EPB41L4B: variants seen among roughly 807,000 people sequenced by gnomAD.
EPB41L4B encodes the protein erythrocyte membrane protein band 4.1 like 4B.
A neutral mutation model predicts 112.5 loss-of-function variants in EPB41L4B; 30 were observed. The ratio of observed to expected loss-of-function variants is 0.27; its 90% CI spans 0.20 to 0.36. The LOEUF is 0.36. Among genes scored for constraint, EPB41L4B ranks in the 10% least tolerant of loss-of-function variants. The pLI is 1.00. For synonymous variants in EPB41L4B, 408 were observed against 439.7 expected, an observed-to-expected ratio of 0.93 and a Z score of 0.90; for missense variants, 1,024 against 1,133.3, an observed-to-expected ratio of 0.90 and a Z score of 1.38.
intron 1 of EPB41L4B, among the ~76,000 whole-genome samples, chr9:109,317,329 G>A (rs1332727823): frequency 6.6e-6 from 1 of 152,124 alleles, no homozygotes; most frequent in Non-Finnish European, 1.5e-5. Flanking sequence ...CATCCCATCC[G>A]GCCACAGCAC....
rs1832910027 is a variant in EPB41L4B at position 109,203,785 on chromosome 9, A to T, written c.1879-55T>A. 3.4e-6 allele frequency: 5 copies of T among 1,457,144 alleles called. No individual in the cohort carries two copies. In the South Asian group the frequency reaches 4.6e-5, roughly 13 times the overall value. The allele number at this position is 1,457,144 out of a possible 1,614,324, so 90.3% of individuals were successfully genotyped here. A position where few individuals can be genotyped will look rare whatever the true frequency, so the allele number is the denominator to read the frequency against. On this transcript the variant is annotated intron_variant, in intron 18 of 25. Coordinates refer to ENST00000374566, the MANE Select transcript of EPB41L4B (RefSeq NM_019114.5). ...AACTGAATATGTTGGCATGCAAAAAATGTTTTCAAGTCTCTTACATTCAAA... is the reference window on the plus strand; with the variant it reads ...AACTGAATATGTTGGCATGCAAAAATTGTTTTCAAGTCTCTTACATTCAAA...
intron 1 of EPB41L4B, among the ~76,000 whole-genome samples, chr9:109,294,671 G>GCT (rs1836666588): frequency 1.1e-5 from 1 of 92,650 alleles, no homozygotes; most frequent in Non-Finnish European, 2.0e-5. Flanking sequence ...TGATATTGTG[G>GCT]CTGTGTGTGT....
chr9:109,226,158 C>G (rs991948295), intron 15 of EPB41L4B, among the ~76,000 whole-genome samples: 2 of 152,184 alleles, frequency 1.3e-5, no homozygotes, highest in African/African-American at 4.8e-5. Flanking sequence ...ACACTGTTTA[C>G]AGGAAACTTT....
rs557993491 is a variant in EPB41L4B at position 109,194,402 on chromosome 9, G to A, written c.2046-5C>T. The A allele has an allele frequency of 9.9e-6, 16 of 1,613,402 alleles. No individual in the cohort carries two copies. The highest frequency in any genetic ancestry group is 2.2e-5 in the South Asian group (2 of 90,988). The stretch of plus-strand genomic sequence containing the variant: ...GGAGGGAGGTCGTCTTCATCACTGC[G>A]GTTACTAAAAGCACATGAAGCTCTG... On this transcript the variant is annotated splice_polypyrimidine_tract_variant and splice_region_variant and intron_variant, in intron 20 of 25. Coordinates refer to ENST00000374566, the MANE Select transcript of EPB41L4B (RefSeq NM_019114.5).
At chr9:109,301,782 C>T (rs1489089629) in intron 1 of EPB41L4B, among the ~76,000 whole-genome samples, 1 of 152,034 alleles carries the variant, frequency 6.6e-6, no homozygotes, top group African/African-American at 2.4e-5. Flanking sequence ...TAAAAATAAC[C>T]CCAACTGATA....
Position 109,217,092 on chromosome 9 carries a change from A to C in EPB41L4B, c.1463T>G (p.Ile488Ser). ...LSSSDRLPFG[I>S]EENGGTPFLT... ...GAACGGTGTGCCCCCATTCTCCTCAATGCCAAAAGGCAACCGGTCCGAGCT... is the reference window on the plus strand; with the variant it reads ...GAACGGTGTGCCCCCATTCTCCTCACTGCCAAAAGGCAACCGGTCCGAGCT... The change falls in exon 16 of 26, where the codon ATT becomes AGT. Residue 488 changes from isoleucine to serine, a missense_variant. Ile to Ser is a moderately radical substitution (Grantham distance 142). Transcript: ENST00000374566. 1 of 1,614,174 alleles carries C rather than the reference A, an allele frequency of 6.2e-7. No homozygotes were observed. The highest frequency in any genetic ancestry group is 8.5e-7 in the Non-Finnish European group (1 of 1,180,034).
chr9:109,313,194 G>A (rs1837483627), intron 1 of EPB41L4B, among the ~76,000 whole-genome samples: 1 of 152,156 alleles, frequency 6.6e-6, no homozygotes, highest in Admixed American at 6.5e-5. Flanking sequence ...CTCAAGACTG[G>A]GAGCTTAAGA....
intron 22 of EPB41L4B, among the ~76,000 whole-genome samples, chr9:109,188,630 G>T (rs1256959519): frequency 6.6e-6 from 1 of 152,204 alleles, no homozygotes; most frequent in Non-Finnish European, 1.5e-5. Context: ...AGCCCTGCTG[G>T]TATAATTAAG....
At chr9:109,200,073 G>A (rs939472747) in intron 20 of EPB41L4B, among the ~76,000 whole-genome samples, 163 bp downstream of exon 20, 4 of 152,192 alleles carry the variant, frequency 2.6e-5, no homozygotes, top group Non-Finnish European at 4.4e-5. Flanking sequence ...ACTATGTAAG[G>A]TTTTCAGGGA....
chr9:109,200,097 T>A (rs1832770491), intron 20 of EPB41L4B, 139 bp downstream of exon 20: 1 of 641,808 alleles, frequency 1.6e-6, no homozygotes, highest in African/African-American at 1.8e-5. Context: ...AGGGCTAGTC[T>A]CATTATTACC....
In EPB41L4B at chr9:109,175,642, G is replaced by C. The variant is rs566650518; in HGVS notation, c.2633+909C>G. On this transcript the variant is annotated intron_variant, in intron 25 of 25. Transcript: ENST00000374566. ...CCACCTCTGCCTCCTGAGTAGCTGG[G>C]ATGACAGGCACGAGCCACCATGCCT... 1.3e-3 allele frequency among the ~76,000 whole-genome samples: 200 copies of C among 152,222 alleles called. 2 individuals carry two copies. The highest frequency in any genetic ancestry group is 4.5e-3 in the African/African-American group (186 of 41,536).
At position 109,263,011 on chromosome 9, in the gene EPB41L4B, T is replaced by C. The variant is rs367874197; in HGVS notation, c.631+39A>G. 1.4e-3 allele frequency: 2,014 copies of C among 1,413,256 alleles called. 11 individuals carry two copies. Among genetic ancestry groups the C allele is most frequent in the Middle Eastern group, 3.0e-3 (17 of 5,634 alleles). The allele number at this position is 1,413,256 out of a possible 1,614,324, so 87.5% of individuals were successfully genotyped here. ...ACTCATTTGTTGAAATAAAAAGCAA[T>C]AACATTAAAATGCTAATTACTACTA... On this transcript the variant is annotated intron_variant, in intron 6 of 25. Coordinates refer to ENST00000374566, the MANE Select transcript of EPB41L4B (RefSeq NM_019114.5).
chr9:109,290,614 G>A (rs1449905105), intron 1 of EPB41L4B, among the ~76,000 whole-genome samples: 2 of 151,958 alleles, frequency 1.3e-5, no homozygotes, highest in Non-Finnish European at 2.9e-5. Flanking sequence ...GCCTGTTTCA[G>A]CTATTTCTAG....
chr9:109,180,772 T>G (rs1234069544), intron 24 of EPB41L4B, among the ~76,000 whole-genome samples: 1 of 152,070 alleles, frequency 6.6e-6, no homozygotes, highest in Non-Finnish European at 1.5e-5. Context: ...CAAAAACCCT[T>G]CGGAAGGAGC....
At chr9:109,319,036 T>A (rs1264294536) in intron 1 of EPB41L4B, among the ~76,000 whole-genome samples, 1 of 152,224 alleles carries the variant, frequency 6.6e-6, no homozygotes, top group Non-Finnish European at 1.5e-5. Context: ...GGGTATGTTA[T>A]TTCTTCCCTT....
chr9:109,237,514 T>C (rs1834188954), intron 15 of EPB41L4B, among the ~76,000 whole-genome samples: 1 of 152,220 alleles, frequency 6.6e-6, no homozygotes, highest in Non-Finnish European at 1.5e-5. Flanking sequence ...TGTGAACTCT[T>C]TGGAAGGAAG....
chr9:109,301,386 T>G (rs939301995), intron 1 of EPB41L4B, among the ~76,000 whole-genome samples: 3 of 152,192 alleles, frequency 2.0e-5, no homozygotes, highest in African/African-American at 4.8e-5. Flanking sequence ...AAATTGCATT[T>G]GCCTTGAAAT....
intron 22 of EPB41L4B, among the ~76,000 whole-genome samples, chr9:109,187,211 C>T (rs1198685173): frequency 2.0e-5 from 3 of 152,156 alleles, no homozygotes; most frequent in Admixed American, 1.3e-4. Context: ...GAATAAAACA[C>T]AGCCCCTGGG....
chr9:109,279,873 C>T lies in EPB41L4B; in HGVS notation c.355G>A (p.Asp119Asn). 6.2e-7 allele frequency: 1 copy of T among 1,614,086 alleles called. No individual in the cohort carries two copies. Among genetic ancestry groups the T allele is most frequent in the South Asian group, 1.1e-5 (1 of 91,064 alleles). ...CCAAAGTAATCTGTTTCCACAAGGT[C>T]CAAGTGGTACACAATCTGATCAAAC... ...DLFDQIVYHLDLVETDYFGLQ... is the reference protein window; with the variant it reads ...DLFDQIVYHLNLVETDYFGLQ... The change falls in exon 2 of 26, where the codon GAC becomes AAC. Residue 119 changes from aspartate to asparagine, a missense_variant. By Grantham distance (23) the Asp-to-Asn change is conservative (BLOSUM62 1). Transcript: ENST00000374566.
Sources: allele counts gnomAD v4.1 joint callset (sites outside exome capture counted in the v4.1 genomes callset), GRCh38; gene constraint gnomAD v4.1.1; transcripts MANE v1.5; gene names NCBI Gene and HGNC (gene_info 2026-07-23, HGNC 2026-07-21).